CCDC102B: variants seen among roughly 807,000 people sequenced by gnomAD.
The protein encoded by CCDC102B is coiled-coil domain containing 102B, also known as coiled-coil domain-containing protein 102B.
CCDC102B carries 75 observed loss-of-function variants against 57.4 expected under a neutral mutation model. The ratio of observed to expected loss-of-function variants is 1.31; its 90% CI spans 1.08 to 1.58. The LOEUF (loss-of-function observed/expected upper bound fraction) is 1.58, where lower values mean the gene tolerates loss of function less well. Among genes scored for constraint, CCDC102B ranks in the 40% most tolerant of loss-of-function variants. The pLI is 0.00. For synonymous variants in CCDC102B, 206 were observed against 201.9 expected, an observed-to-expected ratio of 1.02 and a Z score of -0.17; for missense variants, 636 against 582.6, an observed-to-expected ratio of 1.09 and a Z score of -0.94.
intron 6 of CCDC102B, among the ~76,000 whole-genome samples, chr18:68,922,270 T>C (rs2041308583): frequency 6.6e-6 from 1 of 152,164 alleles, no homozygotes; most frequent in Admixed American, 6.5e-5. Context: ...AGCCAAGATG[T>C]AGATTATGGG....
chr18:69,048,814 T>C (rs1444005582), intron 7 of CCDC102B, among the ~76,000 whole-genome samples: 1 of 152,126 alleles, frequency 6.6e-6, no homozygotes, highest in Non-Finnish European at 1.5e-5. Flanking sequence ...AACGCTGGTA[T>C]AGAGATCAAT....
chr18:68,830,467 G>C (rs545070692), intron 1 of CCDC102B, among the ~76,000 whole-genome samples: 19 of 151,836 alleles, frequency 1.3e-4, no homozygotes, highest in Admixed American at 8.5e-4. Flanking sequence ...AGTTGGATTA[G>C]ATTGCATAAG....
At chr18:68,991,548 C>A (rs1599807022) in intron 6 of CCDC102B, among the ~76,000 whole-genome samples, 1 of 152,250 alleles carries the variant, frequency 6.6e-6, no homozygotes, top group Non-Finnish European at 1.5e-5. Context: ...TTCTCTACCC[C>A]ATGGGGGCCT....
chr18:68,715,266 A>T (rs768754708), exon 1 of CCDC102B: 17 of 1,306,688 alleles, frequency 1.3e-5, no homozygotes, highest in Non-Finnish European at 1.6e-5. Context: ...GAGCGTGGGA[A>T]CCCTGCTTAA....
chr18:68,966,405 G>C (rs117247559), intron 6 of CCDC102B, among the ~76,000 whole-genome samples: 1 of 152,082 alleles, frequency 6.6e-6, no homozygotes, highest in South Asian at 2.1e-4. Context: ...ATACATATAC[G>C]ACAAGAGATC....
intron 6 of CCDC102B, among the ~76,000 whole-genome samples, chr18:68,948,720 A>G (rs922083015): frequency 1.3e-5 from 2 of 152,026 alleles, no homozygotes; most frequent in Non-Finnish European, 1.5e-5. Context: ...CACTACTCCC[A>G]GCAGAATCAA....
At chr18:68,989,639 G>C (rs1408305032) in intron 6 of CCDC102B, among the ~76,000 whole-genome samples, 1 of 152,184 alleles carries the variant, frequency 6.6e-6, no homozygotes, top group Non-Finnish European at 1.5e-5. Flanking sequence ...AGGAAGGGCT[G>C]TGTGCATCTG....
At position 68,810,680 on chromosome 18, in the gene CCDC102B, G is replaced by GTTTTTTTTT. The variant is rs61714863; in HGVS notation, c.-16+12518_-16+12526dup. On this transcript the variant is annotated intron_variant, in intron 1 of 7. Transcript: ENST00000360242. The stretch of plus-strand genomic sequence containing the variant: ...TGAAAAATTTTCTTTTCTTTTCTTT[G>GTTTTTTTTT]TTTTTTTTTTTTTTTTTTTTTTTTT... 8.0e-4 allele frequency among the ~76,000 whole-genome samples: 62 copies of GTTTTTTTTT among 77,042 alleles called. 1 individual carries two copies. Among genetic ancestry groups the GTTTTTTTTT allele is most frequent in the East Asian group, 1.2e-3 (3 of 2,402 alleles). The allele number at this position is 77,042 out of a possible 152,430, so 50.5% of individuals were successfully genotyped here. A position where few individuals can be genotyped will look rare whatever the true frequency, so the allele number is the denominator to read the frequency against.
chr18:68,855,170 T>C (rs1212255419), intron 4 of CCDC102B, among the ~76,000 whole-genome samples: 1 of 152,158 alleles, frequency 6.6e-6, no homozygotes. Flanking sequence ...TCAAGCCCCA[T>C]TGCAAGATTG....
chr18:68,907,301 A>G (rs1364083719), intron 6 of CCDC102B, among the ~76,000 whole-genome samples: 2 of 152,062 alleles, frequency 1.3e-5, no homozygotes, highest in African/African-American at 4.8e-5. Context: ...GAAATTCCAT[A>G]TGAATTTGAG....
intron 6 of CCDC102B, among the ~76,000 whole-genome samples, chr18:68,925,319 T>C (rs7241539): frequency 0.036 from 5,476 of 152,112 alleles, 216 homozygotes; most frequent in African/African-American, 0.093. Flanking sequence ...TCTGGCTTGC[T>C]GTGATGGTAT....
chr18:68,808,629 C>T (rs909227912), intron 1 of CCDC102B, among the ~76,000 whole-genome samples: 5 of 151,970 alleles, frequency 3.3e-5, no homozygotes, highest in African/African-American at 7.2e-5. Flanking sequence ...AGGCGCCCGC[C>T]ACCACGCCCG....
intron 2 of CCDC102B, among the ~76,000 whole-genome samples, chr18:68,737,074 C>T (rs2145214081): frequency 6.6e-6 from 1 of 151,904 alleles, no homozygotes; most frequent in Non-Finnish European, 1.5e-5. Flanking sequence ...TATACTCTGC[C>T]CTCAGAGGGT....
intron 6 of CCDC102B, among the ~76,000 whole-genome samples, chr18:69,003,605 C>T (rs1324725395): frequency 6.6e-6 from 1 of 152,180 alleles, no homozygotes; most frequent in African/African-American, 2.4e-5. Context: ...GATACCTATG[C>T]TTCTGATTTC....
At chr18:68,819,623 A>AT (rs1443030689) in intron 1 of CCDC102B, among the ~76,000 whole-genome samples, 2 of 151,944 alleles carry the variant, frequency 1.3e-5, no homozygotes, top group East Asian at 3.9e-4. Context: ...AATTTGTGAG[A>AT]TTTTGACTGG....
chr18:68,828,509 G>A (rs1290945781), intron 1 of CCDC102B, among the ~76,000 whole-genome samples: 5 of 151,248 alleles, frequency 3.3e-5, no homozygotes, highest in African/African-American at 9.7e-5. Flanking sequence ...TGAGGAATTC[G>A]CTAAGAAAAT....
chr18:68,909,233 T>A (rs2051295), intron 6 of CCDC102B, among the ~76,000 whole-genome samples: 133,732 of 151,964 alleles, frequency 0.88, 58,968 homozygotes, highest in Admixed American at 0.92. Context: ...CAAAAGAAAA[T>A]GTAAGGCAAT....
At chr18:68,963,657 C>G (rs868199357) in intron 6 of CCDC102B, among the ~76,000 whole-genome samples, 1 of 151,716 alleles carries the variant, frequency 6.6e-6, no homozygotes, top group African/African-American at 2.4e-5. Context: ...AAATATTATC[C>G]TTATAATCAA....
chr18:68,886,113 G>A (rs548681831), intron 5 of CCDC102B, among the ~76,000 whole-genome samples: 2 of 151,976 alleles, frequency 1.3e-5, no homozygotes, highest in South Asian at 4.1e-4. Context: ...GCTCACTTCT[G>A]TAATCCCAGA....
Sources: gnomAD v4.1 joint callset for allele counts (sites outside exome capture counted in the v4.1 genomes callset) on GRCh38, gnomAD v4.1.1 for gene constraint, MANE v1.5 for transcripts, NCBI Gene and HGNC (gene_info 2026-07-23, HGNC 2026-07-21) for gene names.